The following UGT1A9 variants were observed in gnomAD, a reference collection of about 807,000 sequenced individuals.
UGT1A9 encodes the protein UDP-glucuronosyltransferase 1A9.
In UGT1A9, 35 loss-of-function variants were observed where a neutral mutation model predicts 45.0. That is an observed-to-expected ratio of 0.78 (90% CI 0.59 to 1.03). The LOEUF (loss-of-function observed/expected upper bound fraction) is 1.03, where lower values mean the gene tolerates loss of function less well. UGT1A9 is among the 50% of genes least tolerant of loss of function. The pLI is 0.00. For synonymous variants in UGT1A9, 278 were observed against 250.6 expected (o/e 1.11, Z -1.03); for missense variants, 687 against 666.6 (o/e 1.03, Z -0.34).
At chr2:233,684,319 T>C (rs568129015) in intron 1 of UGT1A9, among the ~76,000 whole-genome samples, 1 of 152,254 alleles carries the variant, frequency 6.6e-6, no homozygotes, top group Non-Finnish European at 1.5e-5. Context: ...GAGATGCAAG[T>C]TGTAGGACGC....
chr2:233,755,200 G>A (rs1575733621), intron 1 of UGT1A9: 14 of 1,105,580 alleles, frequency 1.3e-5, no homozygotes, highest in South Asian at 8.5e-5. Flanking sequence ...GCCAGCTTGC[G>A]GTACGCCTTC....
At chr2:233,740,938 A>C (rs1691513941) in intron 1 of UGT1A9, 1 of 151,466 alleles carries the variant, frequency 6.6e-6, no homozygotes, top group Admixed American at 6.6e-5. Context: ...TTTTTTTTTT[A>C]ATTAGCTAGG....
rs28898609 is a variant in UGT1A9 at position 233,718,170 on chromosome 2, C to G, written c.855+45381C>G. The G allele has an allele frequency of 6.8e-3, 1,637 of 241,004 alleles. 38 individuals are homozygous for G. The highest frequency in any genetic ancestry group is 0.033 in the African/African-American group (1,513 of 45,480). The allele number at this position is 241,004 out of a possible 1,614,324, so 14.9% of individuals were successfully genotyped here. The stretch of plus-strand genomic sequence containing the variant: ...AAAGCCTTCCCAAGAATATGATCAT[C>G]ACATCTTGAGCTCAGCCTCCCCGGA... On this transcript the variant is annotated intron_variant, in intron 1 of 4. Coordinates refer to ENST00000354728, the MANE Select transcript of UGT1A9 (RefSeq NM_021027.3).
chr2:233,682,394 T>G, intron 1 of UGT1A9: 1 of 1,614,020 alleles, frequency 6.2e-7, no homozygotes, highest in Non-Finnish European at 8.5e-7. Flanking sequence ...TTTTGATGCC[T>G]GTGGCTTAAT....
chr2:233,729,076 T>C (rs907733585), intron 1 of UGT1A9: 3 of 1,612,000 alleles, frequency 1.9e-6, no homozygotes, highest in Non-Finnish European at 2.5e-6. Context: ...AAAGCAAATG[T>C]AGCAGGCACA....
At chr2:233,702,860 C>G (rs1007484594) in intron 1 of UGT1A9, among the ~76,000 whole-genome samples, 6 of 152,102 alleles carry the variant, frequency 3.9e-5, no homozygotes, top group Non-Finnish European at 7.4e-5. Flanking sequence ...TTTGGTTTGA[C>G]AGCATTTTAT....
intron 1 of UGT1A9, chr2:233,743,989 C>T: frequency 7.9e-7 from 1 of 1,273,692 alleles, no homozygotes; most frequent in South Asian, 1.3e-5. Context: ...AGGCGCAGGC[C>T]CGAGTGCTCG....
At chr2:233,767,553 A>C (rs1463279318) in intron 2 of UGT1A9, among the ~76,000 whole-genome samples, 1 of 152,268 alleles carries the variant, frequency 6.6e-6, no homozygotes, top group Non-Finnish European at 1.5e-5. Flanking sequence ...ATAGTTCTGC[A>C]TCCACTTGTT....
intron 1 of UGT1A9, chr2:233,713,483 C>T: frequency 3.7e-6 from 6 of 1,613,990 alleles, no homozygotes; most frequent in South Asian, 1.1e-5. Context: ...TGGCTAAGTA[C>T]CTGTCGATTC....
At position 233,760,758 on chromosome 2, in the gene UGT1A9, C is replaced by T. The variant is rs765894633; in HGVS notation, c.856-6276C>T. The stretch of plus-strand genomic sequence containing the variant: ...TGACGGACCCTTTCCTTCCTTGCAG[C>T]CCCATCGTGGCCCAGTACCTGTCTC... On this transcript the variant is annotated intron_variant, in intron 1 of 4. Transcript: ENST00000354728. 28 of 1,613,982 alleles carry T rather than the reference C, an allele frequency of 1.7e-5. No homozygotes were observed. In the Admixed American group the frequency reaches 3.0e-4, roughly 17 times the overall value.
intron 1 of UGT1A9, among the ~76,000 whole-genome samples, chr2:233,709,785 C>T (rs1208150066): frequency 2.0e-5 from 3 of 152,036 alleles, no homozygotes; most frequent in East Asian, 1.9e-4. Context: ...TAAAGTGCAC[C>T]GTTTTAATGA....
chr2:233,682,799 T>A (rs749393372), intron 1 of UGT1A9: 1 of 1,609,822 alleles, frequency 6.2e-7, no homozygotes. Flanking sequence ...TATGGTAAGT[T>A]ATCTCCCCTT....
chr2:233,748,539 G>A (rs1278710171), intron 1 of UGT1A9, among the ~76,000 whole-genome samples: 3 of 151,838 alleles, frequency 2.0e-5, no homozygotes, highest in Non-Finnish European at 2.9e-5. Context: ...GGTGACCACA[G>A]GAGACCTAAG....
chr2:233,754,442 A>C (rs1695486969), intron 1 of UGT1A9: 2 of 350,172 alleles, frequency 5.7e-6, no homozygotes, highest in African/African-American at 4.3e-5. Flanking sequence ...AGTGTTTATA[A>C]ATTCTTGGGT....
At chr2:233,761,270 C>G (rs990068200) in intron 1 of UGT1A9, 25 of 1,591,850 alleles carry the variant, frequency 1.6e-5, no homozygotes, top group Non-Finnish European at 2.1e-5. Flanking sequence ...AAAATGCCCT[C>G]TTTTGTTAAT....
intron 1 of UGT1A9, among the ~76,000 whole-genome samples, chr2:233,695,422 C>CCTT (rs34487948): frequency 1.3e-3 from 197 of 151,064 alleles, no homozygotes; most frequent in African/African-American, 4.5e-3. Flanking sequence ...CCGCGCCCGG[C>CCTT]CTTCTTCTTC....
intron 1 of UGT1A9, among the ~76,000 whole-genome samples, chr2:233,706,711 A>C (rs2075920644): frequency 6.6e-6 from 1 of 152,150 alleles, no homozygotes; most frequent in Admixed American, 6.5e-5. Context: ...AAGTCATGGA[A>C]TTCTGGAATC....
At chr2:233,680,103 G>A (rs1047643443) in intron 1 of UGT1A9, among the ~76,000 whole-genome samples, 5 of 151,792 alleles carry the variant, frequency 3.3e-5, no homozygotes, top group South Asian at 2.1e-4. Flanking sequence ...CAATCATAGC[G>A]GCAGAGCTCA....
chr2:233,767,880 C>G lies in UGT1A9; in HGVS notation c.1019C>G (p.Ser340Trp), dbSNP rs144978321. Reference sequence around the variant, plus strand: ...TGGCGGTACACTGGAACCCGACCATCGAATCTTGCGAACAACACGATACTT... The same window carrying G: ...TGGCGGTACACTGGAACCCGACCATGGAATCTTGCGAACAACACGATACTT... Reference protein sequence around the residue: ...VLWRYTGTRPSNLANNTILVK... With the variant: ...VLWRYTGTRPWNLANNTILVK... Residue 340 changes from serine to tryptophan, a missense_variant, in exon 3 of 5, where the codon TCG becomes TGG. By Grantham distance (177) the Ser-to-Trp change is radical. Transcript: ENST00000354728. 6.2e-7 allele frequency: 1 copy of G among 1,614,168 alleles called. No individual in the cohort carries two copies. The highest frequency in any genetic ancestry group is 1.7e-5 in the Admixed American group (1 of 60,018).
Sources: allele counts gnomAD v4.1 joint callset (sites outside exome capture counted in the v4.1 genomes callset), GRCh38; gene constraint gnomAD v4.1.1; transcripts MANE v1.5; gene names NCBI Gene and HGNC (gene_info 2026-07-23, HGNC 2026-07-21).